RAD18: variants seen among roughly 807,000 people sequenced by gnomAD.
RAD18 encodes the protein E3 ubiquitin-protein ligase RAD18.
Under a neutral mutation model 60.4 loss-of-function variants are expected in RAD18, and 47 were observed. The ratio of observed to expected loss-of-function variants is 0.78; its 90% CI spans 0.62 to 0.99. The LOEUF is 0.99. Among genes scored for constraint, RAD18 ranks in the 50% least tolerant of loss-of-function variants. RAD18 has a pLI of 0.00. For missense variants in RAD18, 640 were observed against 593.3 expected (o/e 1.08, Z -0.82); for synonymous variants, 225 against 195.5 (o/e 1.15, Z -1.26).
intron 4 of RAD18, chr3:8,946,818 G>C (rs1940846796): frequency 6.1e-6 from 1 of 163,156 alleles, no homozygotes; most frequent in Admixed American, 6.3e-5. Context: ...TGTCCATTGA[G>C]AGGGCCTAGA....
rs1006116396 is a variant in RAD18 at position 8,892,375 on chromosome 3, A to G, written c.1323-1924T>C. ...TCCCTACTGGTCCAGGCTACAGTGG[A>G]TATTAATATATAGATTACACGTGAG... On this transcript the variant is annotated intron_variant, in intron 11 of 12. Coordinates refer to ENST00000264926, the MANE Select transcript of RAD18 (RefSeq NM_020165.4). Among the ~76,000 whole-genome samples the G allele has an allele frequency of 2.0e-5, 3 of 152,206 alleles. No individual in the cohort carries two copies. In the South Asian group the frequency reaches 6.2e-4, roughly 32 times the overall value.
chr3:8,962,719 T>C (rs1382190628), intron 1 of RAD18, among the ~76,000 whole-genome samples: 2 of 152,200 alleles, frequency 1.3e-5, no homozygotes, highest in Non-Finnish European at 2.9e-5. Flanking sequence ...CAAAAATAAA[T>C]GTTATTTAAG....
intron 7 of RAD18, among the ~76,000 whole-genome samples, chr3:8,916,440 G>T (rs993986345): frequency 2.0e-5 from 3 of 152,096 alleles, no homozygotes; most frequent in Non-Finnish European, 4.4e-5. Context: ...AGGCTCATAG[G>T]GAAAACCTAA....
chr3:8,903,431 C>CT (rs1024838110), intron 9 of RAD18, among the ~76,000 whole-genome samples: 3 of 152,194 alleles, frequency 2.0e-5, no homozygotes, highest in Admixed American at 2.0e-4. Context: ...TCCAGCTCTC[C>CT]TTTTTTTCTT....
chr3:8,908,237 C>G (rs2125053308), intron 9 of RAD18, among the ~76,000 whole-genome samples: 1 of 151,816 alleles, frequency 6.6e-6, no homozygotes, highest in South Asian at 2.1e-4. Context: ...GAGGCTCTTC[C>G]CCCAGGCCCC....
chr3:8,924,121 T>C (rs971260346), intron 7 of RAD18, among the ~76,000 whole-genome samples: 13 of 152,134 alleles, frequency 8.5e-5, no homozygotes, highest in Non-Finnish European at 1.9e-4. Context: ...ACTGGCAAAT[T>C]GGATAAAGAG....
intron 3 of RAD18, 65 bp downstream of exon 3, chr3:8,948,444 G>T: frequency 7.2e-7 from 1 of 1,386,788 alleles, no homozygotes; most frequent in Non-Finnish European, 1.0e-6. Flanking sequence ...AGGCTTTTAC[G>T]TATACACAAA....
chr3:8,956,651 A>G (rs1432813127), intron 2 of RAD18, among the ~76,000 whole-genome samples: 1 of 151,936 alleles, frequency 6.6e-6, no homozygotes, highest in Admixed American at 6.6e-5. Context: ...AAACAAAAAC[A>G]ACGTTATTAG....
intron 2 of RAD18, among the ~76,000 whole-genome samples, chr3:8,956,127 C>G (rs1370107211): frequency 1.3e-5 from 2 of 152,138 alleles, no homozygotes; most frequent in African/African-American, 4.8e-5. Flanking sequence ...ATCTTAGCAA[C>G]CTCAGCATAC....
intron 11 of RAD18, among the ~76,000 whole-genome samples, chr3:8,894,485 T>C (rs1939751111): frequency 6.6e-6 from 1 of 152,186 alleles, no homozygotes; most frequent in Admixed American, 6.5e-5. Context: ...AAAGCTATTA[T>C]TCCATTTTTT....
At chr3:8,946,699 C>T (rs1189327246) in intron 4 of RAD18, among the ~76,000 whole-genome samples, 1 of 151,946 alleles carries the variant, frequency 6.6e-6, no homozygotes, top group African/African-American at 2.4e-5. Context: ...TGAATAAATC[C>T]GATTAAGAAT....
intron 7 of RAD18, among the ~76,000 whole-genome samples, chr3:8,928,706 C>A (rs115149179): frequency 0.015 from 2,228 of 152,196 alleles, 51 homozygotes; most frequent in African/African-American, 0.051. Context: ...TTGATAGAAT[C>A]AGTAAACAGA....
Position 8,935,858 on chromosome 3 carries a change from T to TAATA in RAD18, c.889+12_889+13insTATT. On this transcript the variant is annotated intron_variant, in intron 7 of 12. Transcript: ENST00000264926. ...CCAGAAAGTAAGCATAACTCACTGT[T>TAATA]TTATTACTTTACCTGATTTAGGATG... 1.9e-6 allele frequency: 3 copies of TAATA among 1,548,846 alleles called. No individual in the cohort carries two copies. Among genetic ancestry groups the TAATA allele is most frequent in the Non-Finnish European group, 1.7e-6 (2 of 1,148,066 alleles).
At chr3:8,894,053 G>T (rs1939743858) in intron 11 of RAD18, among the ~76,000 whole-genome samples, 1 of 152,092 alleles carries the variant, frequency 6.6e-6, no homozygotes, top group African/African-American at 2.4e-5. Flanking sequence ...GACAAAGGCT[G>T]AGAGAAATTA....
intron 11 of RAD18, among the ~76,000 whole-genome samples, chr3:8,891,075 A>AATATATAT (rs71049753): frequency 6.2e-4 from 16 of 25,980 alleles, no homozygotes; most frequent in South Asian, 3.9e-3. Context: ...ATATATATAA[A>AATATATAT]ATATATATAT....
At chr3:8,900,672 T>A (rs1018740990) in intron 10 of RAD18, among the ~76,000 whole-genome samples, 1 of 152,158 alleles carries the variant, frequency 6.6e-6, no homozygotes, top group Non-Finnish European at 1.5e-5. Context: ...CTTGAGAGAA[T>A]ATGCAACTTG....
chr3:8,899,091 C>T, intron 10 of RAD18, 44 bp from the exon 11 acceptor site: 2 of 1,454,814 alleles, frequency 1.4e-6, no homozygotes, highest in Non-Finnish European at 1.9e-6. Context: ...TCTACAACTT[C>T]TGTATGCCTA....
chr3:8,908,280 T>TC (rs1940048026), intron 9 of RAD18, among the ~76,000 whole-genome samples: 1 of 150,630 alleles, frequency 6.6e-6, no homozygotes, highest in Non-Finnish European at 1.5e-5. Flanking sequence ...AGCATTTTTT[T>TC]TTTTCTTTTC....
chr3:8,925,612 AG>A (rs1294255802), intron 7 of RAD18, among the ~76,000 whole-genome samples: 1 of 152,250 alleles, frequency 6.6e-6, no homozygotes, highest in African/African-American at 2.4e-5. Context: ...CAACAAAAAA[AG>A]AGAATTTTAG....
Sources: gnomAD v4.1 joint callset for allele counts (sites outside exome capture counted in the v4.1 genomes callset) on GRCh38, gnomAD v4.1.1 for gene constraint, MANE v1.5 for transcripts, NCBI Gene and HGNC (gene_info 2026-07-23, HGNC 2026-07-21) for gene names.